Variants in TEX30 observed in about 807,000 individuals in gnomAD.
The protein encoded by TEX30 is testis-expressed protein 30.
Under a neutral mutation model 23.8 loss-of-function variants are expected in TEX30, and 14 were observed. The observed-to-expected ratio is 0.59, with a 90% CI of 0.39 to 0.92. TEX30 has a LOEUF of 0.92. Among genes scored for constraint, TEX30 ranks in the 40% least tolerant of loss-of-function variants. The probability of loss-of-function intolerance (pLI) is 0.00; values close to 1 mark genes in which losing one functional copy is unlikely to be tolerated. For missense variants in TEX30, 246 were observed against 270.6 expected, an observed-to-expected ratio of 0.91 and a Z score of 0.64; for synonymous variants, 78 against 90.2, an observed-to-expected ratio of 0.87 and a Z score of 0.76.
chr13:102,769,329 C>A lies in TEX30; in HGVS notation c.228G>T (p.Lys76Asn). 6.5e-7 allele frequency: 1 copy of A among 1,546,288 alleles called. No individual in the cohort carries two copies. Among genetic ancestry groups the A allele is most frequent in the South Asian group, 1.3e-5 (1 of 77,284 alleles). The change falls in exon 3 of 6, where the codon AAG becomes AAT. Residue 76 changes from lysine to asparagine, a missense_variant. Physicochemically the swap from Lys to Asn is moderately conservative, Grantham distance 94. Coordinates refer to ENST00000376032, the MANE Select transcript of TEX30 (RefSeq NM_138779.5). ...TTCTTACCAAAACTGATTTATACGC[C>A]TTAATTCTATGTACAATATTAAGGC... ...CKGLNIVHRI[K>N]AYKSVLNYLK...
At chr13:102,769,898 T>C (rs752191529) in intron 2 of TEX30, 114 bp downstream of exon 2, 2 of 924,850 alleles carry the variant, frequency 2.2e-6, no homozygotes, top group South Asian at 2.7e-5. Flanking sequence ...TAACCACTTA[T>C]GCTATACTGC....
intron 1 of TEX30, chr13:102,770,586 T>C (rs1311733598): frequency 1.3e-5 from 2 of 152,258 alleles, no homozygotes; most frequent in African/African-American, 2.4e-5. Flanking sequence ...CTACGTAACT[T>C]GTTTTAACTA....
chr13:102,772,737 A>G (rs185823376), intron 1 of TEX30, among the ~76,000 whole-genome samples: 221 of 152,218 alleles, frequency 1.5e-3, no homozygotes, highest in African/African-American at 5.1e-3. Flanking sequence ...CACCGCGCCC[A>G]GCTAATTTTA....
intron 4 of TEX30, 149 bp downstream of exon 4, chr13:102,768,110 TA>T (rs1877038136): frequency 1.5e-5 from 9 of 603,734 alleles, no homozygotes. Context: ...TCTAAGTATA[TA>T]AAGTGCTTTA....
At position 102,769,320 on chromosome 13, in the gene TEX30, T is replaced by C. The variant is rs1180746986; in HGVS notation, c.237A>G (p.Lys79=). ...AAAGAAATTTTCTTACCAAAACTGA[T>C]TTATACGCCTTAATTCTATGTACAA... The part of the protein sequence containing the change: ...LNIVHRIKAY[K]SVLNYLKTSG... Residue 79 remains lysine (K), a synonymous_variant, in exon 3 of 6, where the codon AAA becomes AAG. Transcript: ENST00000376032. The C allele has an allele frequency of 5.2e-6, 8 of 1,526,482 alleles. No homozygotes were observed. Among genetic ancestry groups the C allele is most frequent in the Middle Eastern group, 1.7e-4 (1 of 5,854 alleles). 94.6% of individuals were successfully genotyped at this position (1,526,482 alleles called of 1,614,324 possible).
intron 3 of TEX30, 128 bp downstream of exon 3, chr13:102,769,183 G>A (rs1228521982): frequency 1.4e-5 from 9 of 659,152 alleles, no homozygotes; most frequent in Non-Finnish European, 1.9e-5. Context: ...GTACTGCTGA[G>A]TTTTCTAAGA....
At position 102,768,261 on chromosome 13, in the gene TEX30, TC is replaced by T; in HGVS notation, c.296del (p.Gly99GlufsTer13). 6.2e-7 allele frequency: 1 copy of T among 1,603,872 alleles called. No individual in the cohort carries two copies. Among genetic ancestry groups the T allele is most frequent in the Non-Finnish European group, 8.5e-7 (1 of 1,175,838 alleles). ...AGTATTCACAAGTATTGCACTTACCTCCAAGAAAAACACCTGCAAGTTTGTA... is the reference window on the plus strand; with the variant it reads ...AGTATTCACAAGTATTGCACTTACCTCAAGAAAAACACCTGCAAGTTTGTA... ...GEYKLAGVFL[G>X]GRSMGSRAAA... is the part of the protein sequence containing the mutation. On this transcript the variant is annotated frameshift_variant and splice_region_variant, in exon 4 of 6. Transcript: ENST00000376032. LOFTEE classifies it high-confidence loss of function.
Position 102,772,582 on chromosome 13 carries a change from G to A in TEX30, c.-61+1100C>T, listed in dbSNP as rs146453417. 2.5e-3 allele frequency among the ~76,000 whole-genome samples: 383 copies of A among 152,254 alleles called. 2 individuals are homozygous for A. The highest frequency in any genetic ancestry group is 8.9e-3 in the African/African-American group (369 of 41,552). On this transcript the variant is annotated intron_variant, in intron 1 of 5. Transcript: ENST00000376032. Reference sequence around the variant, plus strand: ...AAGCAACCTGCTCTAGGTCATCTGGGTTTGTTTTTTTGAGACAGAGTCTTG... The same window carrying A: ...AAGCAACCTGCTCTAGGTCATCTGGATTTGTTTTTTTGAGACAGAGTCTTG...
intron 1 of TEX30, among the ~76,000 whole-genome samples, chr13:102,773,305 G>C (rs1167209398): frequency 1.3e-5 from 2 of 152,084 alleles, no homozygotes; most frequent in African/African-American, 2.4e-5. Context: ...CTCGGGGCAC[G>C]GGATCCGTTC....
chr13:102,768,250 T>C lies in TEX30; in HGVS notation c.298+10A>G, dbSNP rs375506358. On this transcript the variant is annotated intron_variant, in intron 4 of 5. Coordinates refer to ENST00000376032, the MANE Select transcript of TEX30 (RefSeq NM_138779.5). Reference sequence around the variant, plus strand: ...GGTAATTAACAAGTATTCACAAGTATTGCACTTACCTCCAAGAAAAACACC... The same window carrying C: ...GGTAATTAACAAGTATTCACAAGTACTGCACTTACCTCCAAGAAAAACACC... The C allele has an allele frequency of 9.6e-5, 154 of 1,597,732 alleles. No individual in the cohort carries two copies. Among genetic ancestry groups the C allele is most frequent in the Non-Finnish European group, 1.3e-4 (147 of 1,171,170 alleles).
chr13:102,769,991 C>G, intron 2 of TEX30, 21 bp downstream of exon 2: 2 of 1,441,092 alleles, frequency 1.4e-6, no homozygotes, highest in South Asian at 3.2e-5. Flanking sequence ...CCTGAAGATG[C>G]AGAACATACG....
intron 1 of TEX30, chr13:102,773,367 C>T (rs1346858182): frequency 6.6e-6 from 1 of 152,124 alleles, no homozygotes; most frequent in Non-Finnish European, 1.5e-5. Flanking sequence ...CCCGGTCGAC[C>T]CCTCTCAACT....
chr13:102,773,154 AC>A (rs1298632670), intron 1 of TEX30, among the ~76,000 whole-genome samples: 5 of 152,218 alleles, frequency 3.3e-5, no homozygotes, highest in African/African-American at 1.2e-4. Flanking sequence ...GTGCCCTGTT[AC>A]GTCCACAGCA....
Position 102,766,599 on chromosome 13 carries a change from G to A in TEX30, c.505-19C>T. The A allele has an allele frequency of 2.5e-6, 4 of 1,606,940 alleles. No homozygotes were observed. Among genetic ancestry groups the A allele is most frequent in the East Asian group, 2.2e-5 (1 of 44,734 alleles). On this transcript the variant is annotated intron_variant, in intron 5 of 5. Transcript: ENST00000376032. ...ACAAGTTCTAAAGAGAAAAAGAAGA[G>A]GATACTAGACTAATGTTCTGTTGAT... is the stretch of plus-strand genomic sequence containing the variant.
rs532828466 is a variant in TEX30 at position 102,769,199 on chromosome 13, C to T, written c.246+112G>A. ...TACTGCTGAGTTTTCTAAGAATACA[C>T]TCATTCAAAGATTTTTTAAATTAAA... On this transcript the variant is annotated intron_variant, in intron 3 of 5. Coordinates refer to ENST00000376032, the MANE Select transcript of TEX30 (RefSeq NM_138779.5). The T allele has an allele frequency of 1.0e-4, 77 of 771,792 alleles. No individual in the cohort carries two copies. The South Asian group carries it at 1.7e-3, about 17-fold the overall frequency. 47.8% of individuals were successfully genotyped at this position (771,792 alleles called of 1,614,324 possible).
intron 1 of TEX30, chr13:102,773,464 A>T (rs1877476529): frequency 6.6e-6 from 1 of 151,820 alleles, no homozygotes; most frequent in Non-Finnish European, 1.5e-5. Context: ...TACCAACCCC[A>T]CATTCCGCCC....
At chr13:102,771,255 T>A (rs955456536) in intron 1 of TEX30, among the ~76,000 whole-genome samples, 1 of 152,212 alleles carries the variant, frequency 6.6e-6, no homozygotes, top group African/African-American at 2.4e-5. Context: ...CTTCCCAAGG[T>A]GAATACATTT....
At chr13:102,773,148 CCT>C (rs2139057601) in intron 1 of TEX30, among the ~76,000 whole-genome samples, 1 of 152,376 alleles carries the variant, frequency 6.6e-6, no homozygotes, top group African/African-American at 2.4e-5. Flanking sequence ...ACGTTCGTGC[CCT>C]GTTACGTCCA....
At chr13:102,771,669 T>C (rs1436619163) in intron 1 of TEX30, among the ~76,000 whole-genome samples, 2 of 152,222 alleles carry the variant, frequency 1.3e-5, no homozygotes, top group African/African-American at 2.4e-5. Context: ...TCTTCATACA[T>C]GCAGCCCCAC....
Sources: gnomAD v4.1 joint callset for allele counts (sites outside exome capture counted in the v4.1 genomes callset) on GRCh38, gnomAD v4.1.1 for gene constraint, MANE v1.5 for transcripts, NCBI Gene and HGNC (gene_info 2026-07-23, HGNC 2026-07-21) for gene names.